The following ZNF608 variants were observed in gnomAD, a reference collection of about 807,000 sequenced individuals.
The protein encoded by ZNF608 is zinc finger protein 608.
Under a neutral mutation model 109.0 loss-of-function variants are expected in ZNF608, and 12 were observed. The ratio of observed to expected loss-of-function variants is 0.11; its 90% CI spans 0.07 to 0.18. The LOEUF is 0.18. Among genes scored for constraint, ZNF608 ranks in the 10% least tolerant of loss-of-function variants. The pLI is 1.00. For missense variants in ZNF608, 1,707 were observed against 1,879.3 expected (o/e 0.91, Z 1.70); for synonymous variants, 732 against 717.4 (o/e 1.02, Z -0.33).
intron 3 of ZNF608, among the ~76,000 whole-genome samples, chr5:124,689,526 T>C (rs1580628508): frequency 1.3e-5 from 2 of 149,876 alleles, no homozygotes; most frequent in Admixed American, 6.6e-5. Flanking sequence ...TTCCAAAATA[T>C]TCAAAGACCT....
chr5:124,654,337 T>C (rs887130088), intron 3 of ZNF608, among the ~76,000 whole-genome samples: 1 of 152,138 alleles, frequency 6.6e-6, no homozygotes, highest in Non-Finnish European at 1.5e-5. Flanking sequence ...TCTTCTTTAC[T>C]CTCCAGCCTA....
At position 124,684,397 on chromosome 5, in the gene ZNF608, C is replaced by A. The variant is rs557845757; in HGVS notation, c.1162+16617G>T. ...GCCAAGAAAACACAGCCAGAGGGTA[C>A]GAAAAGGGAGGTTGCAGCCCTGTTC... On this transcript the variant is annotated intron_variant, in intron 3 of 9. Coordinates refer to ENST00000513986, the MANE Select transcript of ZNF608 (RefSeq NM_020747.3). 3.3e-5 allele frequency among the ~76,000 whole-genome samples: 5 copies of A among 152,244 alleles called. No individual in the cohort carries two copies. In the South Asian group the frequency reaches 8.3e-4, roughly 25 times the overall value.
At position 124,639,100 on chromosome 5, in the gene ZNF608, C is replaced by A. The variant is rs750355165; in HGVS notation, c.4532+33G>T. On this transcript the variant is annotated intron_variant, in intron 9 of 9. Transcript: ENST00000513986. ...CTCCCAACCATTAAGATATTTCTAT[C>A]TACAACTAATTAAAAATGTAGAGGA... is the stretch of plus-strand genomic sequence containing the variant. 1.6e-5 allele frequency: 26 copies of A among 1,599,358 alleles called. No homozygotes were observed. In the South Asian group the frequency reaches 2.9e-4, roughly 18 times the overall value.
intron 3 of ZNF608, among the ~76,000 whole-genome samples, chr5:124,691,853 G>A (rs1752641978): frequency 6.6e-6 from 1 of 152,050 alleles, no homozygotes; most frequent in Non-Finnish European, 1.5e-5. Flanking sequence ...TAAAGTTTTA[G>A]TTGTTCAAGA....
In ZNF608 at chr5:124,648,439, C is replaced by A. The variant is rs755472962; in HGVS notation, c.1945G>T (p.Gly649Cys). ...CCAGCTTTAGCACCAATAATGGAAC[C>A]TGGGCCATTGCTCATCAGCTCTCTC... is the stretch of plus-strand genomic sequence containing the variant. ...GKRELMSNGPGSIIGAKAGKN... is the reference protein window; with the variant it reads ...GKRELMSNGPCSIIGAKAGKN... The change falls in exon 5 of 10, where the codon GGT (glycine) becomes TGT (cysteine). Residue 649 changes from glycine to cysteine, a missense_variant. By Grantham distance (159) the Gly-to-Cys change is radical (BLOSUM62 -3). Transcript: ENST00000513986. 25 of 1,614,172 alleles carry A rather than the reference C, an allele frequency of 1.5e-5. No homozygotes were observed. The highest frequency in any genetic ancestry group is 2.1e-5 in the Non-Finnish European group (25 of 1,180,040).
intron 9 of ZNF608, among the ~76,000 whole-genome samples, chr5:124,638,304 T>G (rs977532079): frequency 2.0e-5 from 3 of 151,758 alleles, no homozygotes; most frequent in African/African-American, 7.3e-5. Context: ...TCACCTAGGC[T>G]GGAATGCAAT....
At chr5:124,641,481 C>A in intron 7 of ZNF608, 76 bp from the exon 8 acceptor site, 1 of 1,422,102 alleles carries the variant, frequency 7.0e-7, no homozygotes, top group Middle Eastern at 1.8e-4. Flanking sequence ...CACCTTTGTC[C>A]CTTCGACAAT....
Position 124,744,373 on chromosome 5 carries a change from T to A in ZNF608, c.617A>T (p.Asp206Val). 3.1e-6 allele frequency: 5 copies of A among 1,614,256 alleles called. No homozygotes were observed. Among genetic ancestry groups the A allele is most frequent in the Non-Finnish European group, 2.5e-6 (3 of 1,180,044 alleles). ...CTTGTCCTTCCTGGATTTCCCCGCA[T>A]CCTTATCCCGCTTGGCGCCTCGGCT... is the stretch of plus-strand genomic sequence containing the variant. ...QSSRGAKRDK[D>V]AGKSRKDKHD... is the part of the protein sequence containing the mutation. Residue 206 changes from aspartate to valine, a missense_variant, in exon 2 of 10, where the codon GAT becomes GTT. Around this residue, in one of 7 missense-constraint regions of ZNF608, gnomAD observed 407 missense variants for 398.7 expected, o/e 1.02. Transcript: ENST00000513986. The surrounding 1 kb of genome is among the most constrained non-coding windows in gnomAD (Gnocchi z 4.5).
intron 3 of ZNF608, among the ~76,000 whole-genome samples, chr5:124,689,763 T>G (rs1752542294): frequency 6.6e-6 from 1 of 152,166 alleles, no homozygotes; most frequent in Admixed American, 6.5e-5. Context: ...TCTCATTCAT[T>G]TCTGGTGGGA....
At chr5:124,645,522 C>A (rs1750457252) in intron 5 of ZNF608, among the ~76,000 whole-genome samples, 1 of 151,078 alleles carries the variant, frequency 6.6e-6, no homozygotes, top group African/African-American at 2.4e-5. Flanking sequence ...GTGGTGGGGG[C>A]TGGTGGTTCT....
rs768534450 is a variant in ZNF608 at position 124,647,574 on chromosome 5, G to T, written c.2810C>A (p.Pro937Gln). The T allele has an allele frequency of 6.2e-7, 1 of 1,614,178 alleles. No homozygotes were observed. The highest frequency in any genetic ancestry group is 8.5e-7 in the Non-Finnish European group (1 of 1,180,038). The part of the protein sequence containing the change: ...AESSAAKTSS[P>Q]AYSDISDAAD... ...AGCATCAGATATGTCTGAATAGGCC[G>T]GGCTGCTTGTCTTTGCAGCTGAACT... is the stretch of plus-strand genomic sequence containing the variant. Residue 937 changes from proline (P) to glutamine (Q), a missense_variant, in exon 5 of 10, where the codon CCG becomes CAG. This residue lies in a region of ZNF608 where 1,073 missense variants were observed against 1,133.5 expected (regional missense o/e 0.95). Transcript: ENST00000513986.
At chr5:124,732,311 T>G (rs1748943233) in intron 2 of ZNF608, among the ~76,000 whole-genome samples, 1 of 152,118 alleles carries the variant, frequency 6.6e-6, no homozygotes, top group Non-Finnish European at 1.5e-5. Flanking sequence ...GAGAGACAGT[T>G]TATACACAAA....
chr5:124,718,243 T>C lies in ZNF608; in HGVS notation c.907-16974A>G, dbSNP rs113100496. Among the ~76,000 whole-genome samples, 626 of 152,338 alleles carry C rather than the reference T, an allele frequency of 4.1e-3. 7 individuals carry two copies. Among genetic ancestry groups the C allele is most frequent in the African/African-American group, 0.013 (546 of 41,568 alleles). On this transcript the variant is annotated intron_variant, in intron 2 of 9. Transcript: ENST00000513986. ...TGAAAGCAGGTCATCTTTCTCTGCT[T>C]AGCACTCTTTAAATGCCTTGTTAGG...
At chr5:124,701,360 CA>C in intron 2 of ZNF608, 91 bp from the exon 3 acceptor site, 2 of 1,463,320 alleles carry the variant, frequency 1.4e-6, no homozygotes, top group Non-Finnish European at 1.9e-6. Context: ...AATATATCAC[CA>C]TTCCAAATTC....
intron 3 of ZNF608, among the ~76,000 whole-genome samples, chr5:124,667,664 G>A (rs905492684): frequency 6.6e-6 from 1 of 152,124 alleles, no homozygotes; most frequent in Non-Finnish European, 1.5e-5. Flanking sequence ...TTTAACAAGT[G>A]CATATCATGC....
chr5:124,667,064 T>C (rs1170746992), intron 3 of ZNF608, among the ~76,000 whole-genome samples: 1 of 152,160 alleles, frequency 6.6e-6, no homozygotes, highest in Non-Finnish European at 1.5e-5. Context: ...ACATAAATTT[T>C]CATCTACTTA....
At chr5:124,717,145 C>T (rs1002884994) in intron 2 of ZNF608, among the ~76,000 whole-genome samples, 1 of 151,984 alleles carries the variant, frequency 6.6e-6, no homozygotes, top group Non-Finnish European at 1.5e-5. Flanking sequence ...ATATAAACTT[C>T]TCTTAAAAGA....
chr5:124,658,100 T>C lies in ZNF608; in HGVS notation c.1163-8403A>G, dbSNP rs528416111. On this transcript the variant is annotated intron_variant, in intron 3 of 9. Coordinates refer to ENST00000513986, the MANE Select transcript of ZNF608 (RefSeq NM_020747.3). ...GCTAAGGTTCCTGGAGTCCCTACTTTGGGGACAGGCAGGCAGAACAGGTTT... is the reference window on the plus strand; with the variant it reads ...GCTAAGGTTCCTGGAGTCCCTACTTCGGGGACAGGCAGGCAGAACAGGTTT... Among the ~76,000 whole-genome samples the C allele has an allele frequency of 2.6e-5, 4 of 152,248 alleles. No individual in the cohort carries two copies. The East Asian group carries it at 5.8e-4, about 22-fold the overall frequency.
chr5:124,705,644 G>T (rs555235715), intron 2 of ZNF608, among the ~76,000 whole-genome samples: 7 of 152,146 alleles, frequency 4.6e-5, no homozygotes, highest in Non-Finnish European at 1.0e-4. Flanking sequence ...TGCAATTAAA[G>T]TATGTTAAAA....
Sources: gnomAD v4.1 joint callset for allele counts (sites outside exome capture counted in the v4.1 genomes callset) on GRCh38, gnomAD v4.1.1 for gene constraint, gnomAD v4.1.1 regional missense constraint, Gnocchi (gnomAD v3.1) non-coding constraint, MANE v1.5 for transcripts, NCBI Gene and HGNC (gene_info 2026-07-23, HGNC 2026-07-21) for gene names.